EML5: variants seen among roughly 807,000 people sequenced by gnomAD.
EML5 encodes the protein EMAP like 5.
A neutral mutation model predicts 250.0 loss-of-function variants in EML5; 120 were observed. The observed-to-expected ratio is 0.48, with a 90% confidence interval of 0.41 to 0.56. EML5 has a LOEUF of 0.56. EML5 is among the 20% of genes least tolerant of loss of function. The probability of loss-of-function intolerance (pLI) is 0.00; values close to 1 mark genes in which losing one functional copy is unlikely to be tolerated. For missense variants in EML5, 2,006 were observed against 2,437.6 expected (o/e 0.82, Z 3.73); for synonymous variants, 771 against 806.5 (o/e 0.96, Z 0.75).
intron 3 of EML5, among the ~76,000 whole-genome samples, 154 bp from the exon 4 acceptor site, chr14:88,744,245 ATAAAG>A (rs2093971336): frequency 6.6e-6 from 1 of 152,166 alleles, no homozygotes; most frequent in African/African-American, 2.4e-5. Context: ...CTTATGAGAA[ATAAAG>A]TAAATTTGAA....
chr14:88,763,434 AC>A (rs959960340), intron 1 of EML5, among the ~76,000 whole-genome samples: 2 of 151,698 alleles, frequency 1.3e-5, no homozygotes, highest in Non-Finnish European at 2.9e-5. Context: ...AGACACACAC[AC>A]CCCCCCAAGA....
At chr14:88,627,433 T>C (rs1179894050) in intron 34 of EML5, 6 of 523,022 alleles carry the variant, frequency 1.1e-5, no homozygotes, top group Non-Finnish European at 1.7e-5. Flanking sequence ...ATGCTAATAA[T>C]GGTTTCATTA....
At chr14:88,627,235 G>A (rs890008798) in intron 34 of EML5, 189 bp from the exon 35 acceptor site, 10 of 604,358 alleles carry the variant, frequency 1.7e-5, no homozygotes, top group African/African-American at 1.5e-4. Context: ...ACTTATCTTC[G>A]CTCCATTAAC....
chr14:88,713,306 C>T (rs1226825249), intron 9 of EML5, among the ~76,000 whole-genome samples: 5 of 151,870 alleles, frequency 3.3e-5, no homozygotes, highest in African/African-American at 4.8e-5. Context: ...GTAGGAGAAT[C>T]ACCTGAACCT....
At position 88,662,339 on chromosome 14, in the gene EML5, GT is replaced by G. The variant is rs71127000; in HGVS notation, c.3499-510del. On this transcript the variant is annotated intron_variant, in intron 24 of 43. Transcript: ENST00000554922. ...CACAAAATGCAACACAATTTTTCTT[GT>G]TTTTTTTTTTTTTTTTTTTTTTTTT... 4.5e-3 allele frequency among the ~76,000 whole-genome samples: 252 copies of G among 55,640 alleles called. 2 individuals carry two copies. The highest frequency in any genetic ancestry group is 0.014 in the African/African-American group (215 of 15,646). 36.5% of individuals were successfully genotyped at this position (55,640 alleles called of 152,430 possible). A position where few individuals can be genotyped will look rare whatever the true frequency, so the allele number is the denominator to read the frequency against.
At chr14:88,751,386 TAG>T (rs2094091730) in intron 2 of EML5, among the ~76,000 whole-genome samples, 1 of 152,096 alleles carries the variant, frequency 6.6e-6, no homozygotes, top group Non-Finnish European at 1.5e-5. Context: ...ACCTCAAGAT[TAG>T]AGAGATCATG....
chr14:88,652,017 A>G (rs887982953), intron 27 of EML5, among the ~76,000 whole-genome samples: 3 of 152,210 alleles, frequency 2.0e-5, no homozygotes, highest in African/African-American at 7.2e-5. Context: ...CACAACTGGT[A>G]ATGAAAAAAA....
At chr14:88,729,901 C>G (rs1017622822) in intron 7 of EML5, among the ~76,000 whole-genome samples, 3 of 147,572 alleles carry the variant, frequency 2.0e-5, no homozygotes, top group African/African-American at 5.1e-5. Context: ...AATGTATTGT[C>G]TATGGCTTAC....
At chr14:88,745,170 TG>T (rs1441531863) in intron 3 of EML5, among the ~76,000 whole-genome samples, 277 of 138,484 alleles carry the variant, frequency 2.0e-3, no homozygotes, top group South Asian at 3.3e-3. Context: ...TGTGTGTTTG[TG>T]TGTGTGTGTG....
rs1238171755 is a variant in EML5 at position 88,754,630 on chromosome 14, T to A, written c.239A>T (p.Gln80Leu). The change falls in exon 2 of 44, where the codon CAA (glutamine) becomes CTA (leucine). Residue 80 changes from glutamine to leucine, a missense_variant. Gln to Leu is a moderately radical substitution (Grantham distance 113, BLOSUM62 -2). Transcript: ENST00000554922. ...ACAAATATAAGGCTCTTTCCCAACTTGTCCTGTTGCTACCAACACTCGTTC... is the reference window on the plus strand; with the variant it reads ...ACAAATATAAGGCTCTTTCCCAACTAGTCCTGTTGCTACCAACACTCGTTC... ...HPERVLVATG[Q>L]VGKEPYICIW... 6.2e-7 allele frequency: 1 copy of A among 1,612,824 alleles called. No homozygotes were observed. The highest frequency in any genetic ancestry group is 1.7e-5 in the Admixed American group (1 of 59,856).
chr14:88,644,542 C>T, intron 29 of EML5, 31 bp from the exon 30 acceptor site: 1 of 1,603,948 alleles, frequency 6.2e-7, no homozygotes, highest in Non-Finnish European at 8.5e-7. Context: ...GGAGGAAAGG[C>T]ATGCAGCACT....
At chr14:88,638,695 T>A (rs994851518) in intron 32 of EML5, 114 bp downstream of exon 32, 88 of 910,376 alleles carry the variant, frequency 9.7e-5, no homozygotes, top group Non-Finnish European at 1.4e-4. Flanking sequence ...TATGTATACA[T>A]AGATTTTGAA....
At chr14:88,773,173 AT>A (rs564321594) in intron 1 of EML5, among the ~76,000 whole-genome samples, 54 of 152,328 alleles carry the variant, frequency 3.5e-4, no homozygotes, top group African/African-American at 1.3e-3. Flanking sequence ...TGCTGAAATC[AT>A]CACCTGAGGC....
At chr14:88,616,930 G>A in intron 41 of EML5, 51 bp from the exon 42 acceptor site, 2 of 1,564,432 alleles carry the variant, frequency 1.3e-6, no homozygotes, top group Admixed American at 1.8e-5. Flanking sequence ...CGGGCAGGTT[G>A]ACTATATTCA....
At chr14:88,737,993 T>C (rs1000494801) in intron 6 of EML5, among the ~76,000 whole-genome samples, 6 of 152,208 alleles carry the variant, frequency 3.9e-5, no homozygotes, top group Non-Finnish European at 8.8e-5. Flanking sequence ...ATGTCTTTTG[T>C]AATCTTAGGA....
rs2093887723 is a variant in EML5, at chr14:88,739,079, A to G, written c.712-65T>C. 3.9e-5 allele frequency: 57 copies of G among 1,456,424 alleles called. 1 individual carries two copies. In the South Asian group the frequency reaches 7.1e-4, roughly 18 times the overall value. 90.2% of individuals were successfully genotyped at this position (1,456,424 alleles called of 1,614,324 possible). On this transcript the variant is annotated intron_variant, in intron 5 of 43. Transcript: ENST00000554922. ...TTAAGAACATCTACTATATGAAGGTAGAAACCCTTTTAAACCAATTTAACA... is the reference window on the plus strand; with the variant it reads ...TTAAGAACATCTACTATATGAAGGTGGAAACCCTTTTAAACCAATTTAACA...
intron 21 of EML5, among the ~76,000 whole-genome samples, chr14:88,678,988 C>T (rs1268180448): frequency 1.3e-5 from 2 of 151,894 alleles, no homozygotes; most frequent in African/African-American, 4.8e-5. Flanking sequence ...TTCCTTGTTT[C>T]TCTCTAGCTT....
intron 18 of EML5, 63 bp from the exon 19 acceptor site, chr14:88,687,390 T>C: frequency 1.7e-6 from 2 of 1,167,746 alleles, no homozygotes; most frequent in Non-Finnish European, 1.2e-6. Context: ...AGTAACCTTT[T>C]TCCTTATATT....
chr14:88,771,250 C>A (rs1464876658), intron 1 of EML5, among the ~76,000 whole-genome samples: 1 of 152,224 alleles, frequency 6.6e-6, no homozygotes, highest in East Asian at 1.9e-4. Context: ...CCCCTATCAA[C>A]CTCTGCCTTG....
Sources: gnomAD v4.1 joint callset for allele counts (sites outside exome capture counted in the v4.1 genomes callset) on GRCh38, gnomAD v4.1.1 for gene constraint, MANE v1.5 for transcripts, NCBI Gene and HGNC (gene_info 2026-07-23, HGNC 2026-07-21) for gene names.